Variants in FIRRM observed in about 807,000 individuals in gnomAD.
FIRRM encodes FIGNL1 interacting regulator of recombination and mitosis, also known as FIGNL1-interacting regulator of recombination and mitosis.
chr1:169,800,845 TGACAA>T, the FIRRM span: 1 of 1,065,098 alleles, frequency 9.4e-7, no homozygotes, highest in Non-Finnish European at 1.4e-6. Context: ...TTGACTGACA[TGACAA>T]TATTTTTATA....
the FIRRM span, among the ~76,000 whole-genome samples, chr1:169,791,391 T>C: frequency 2.6e-5 from 4 of 152,238 alleles, no homozygotes; most frequent in African/African-American, 7.2e-5. Context: ...TCCTTAACTA[T>C]GACTTTCATC....
chr1:169,832,578 C>CT, the FIRRM span: 1,018 of 1,015,800 alleles, frequency 1.0e-3, no homozygotes, highest in Non-Finnish European at 1.1e-3. Context: ...CTTTGATAGC[C>CT]TTTTTTTTTC....
the FIRRM span, among the ~76,000 whole-genome samples, chr1:169,790,401 G>A: frequency 6.6e-6 from 1 of 152,082 alleles, no homozygotes; most frequent in East Asian, 1.9e-4. Flanking sequence ...GGTCAGGGTG[G>A]TCTCAAACTC....
At chr1:169,846,023 G>A in the FIRRM span, among the ~76,000 whole-genome samples, 1 of 152,184 alleles carries the variant, frequency 6.6e-6, no homozygotes, top group African/African-American at 2.4e-5. Flanking sequence ...AGACTTGAAA[G>A]TCACAATTAT....
chr1:169,808,261 G>C, the FIRRM span, among the ~76,000 whole-genome samples: 1 of 152,078 alleles, frequency 6.6e-6, no homozygotes, highest in Non-Finnish European at 1.5e-5. Flanking sequence ...TATAAGATCT[G>C]ATATAGCTGC....
the FIRRM span, chr1:169,836,786 C>T: frequency 1.8e-6 from 1 of 558,188 alleles, no homozygotes; most frequent in Non-Finnish European, 3.0e-6. Context: ...TTTATGTTAC[C>T]TTGGTCTGGA....
the FIRRM span, chr1:169,827,921 T>A: frequency 6.8e-7 from 1 of 1,478,866 alleles, no homozygotes; most frequent in Non-Finnish European, 9.2e-7. Context: ...AAATTAAGTT[T>A]GTGTGTTTTT....
chr1:169,853,034 A>ATACTT, the FIRRM span: 4 of 1,575,228 alleles, frequency 2.5e-6, no homozygotes, highest in Non-Finnish European at 3.5e-6. Flanking sequence ...TCAACTGAAA[A>ATACTT]TACTTATGTC....
At chr1:169,789,254 C>T in the FIRRM span, among the ~76,000 whole-genome samples, 1 of 152,186 alleles carries the variant, frequency 6.6e-6, no homozygotes, top group African/African-American at 2.4e-5. Flanking sequence ...CCTTGCTATT[C>T]CTCTTTTTCA....
At chr1:169,792,773 G>C in the FIRRM span, 2 of 1,613,188 alleles carry the variant, frequency 1.2e-6, no homozygotes, top group Non-Finnish European at 1.7e-6. Flanking sequence ...TCTAAGGAAA[G>C]TCTGGTGCAA....
At chr1:169,801,263 A>G in the FIRRM span, among the ~76,000 whole-genome samples, 2 of 151,828 alleles carry the variant, frequency 1.3e-5, no homozygotes, top group South Asian at 4.2e-4. Flanking sequence ...GGTCAACATG[A>G]TGAAACCTCG....
chr1:169,842,501 G>C, the FIRRM span: 1 of 1,613,890 alleles, frequency 6.2e-7, no homozygotes, highest in Non-Finnish European at 8.5e-7. Flanking sequence ...AATTATCGAA[G>C]TTGTGAGTCA....
the FIRRM span, chr1:169,852,772 C>CTT: frequency 6.2e-7 from 1 of 1,611,790 alleles, no homozygotes; most frequent in Admixed American, 1.7e-5. Flanking sequence ...TGTGATATTA[C>CTT]TTATGTTTTT....
chr1:169,795,035 G>C, the FIRRM span: 24 of 1,266,114 alleles, frequency 1.9e-5, no homozygotes, highest in Non-Finnish European at 2.5e-5. Flanking sequence ...GCAAGGGTTG[G>C]CGGGACTGCG....
At chr1:169,852,936 G>A in the FIRRM span, 14 of 1,614,082 alleles carry the variant, frequency 8.7e-6, 1 homozygote, top group African/African-American at 1.2e-4. Context: ...AAATGGAGGC[G>A]CTCCAAGAAA....
chr1:169,847,317 A>T, the FIRRM span, among the ~76,000 whole-genome samples: 602 of 18,094 alleles, frequency 0.033, 6 homozygotes, highest in African/African-American at 0.12. Flanking sequence ...TATTTCTAAA[A>T]AAAAAAAAAA....
chr1:169,840,033 G>A, the FIRRM span, among the ~76,000 whole-genome samples: 1 of 152,280 alleles, frequency 6.6e-6, no homozygotes, highest in African/African-American at 2.4e-5. Context: ...TCACATGGCT[G>A]TAGGTATGTG....
chr1:169,833,967 AG>A, the FIRRM span, among the ~76,000 whole-genome samples: 1 of 148,052 alleles, frequency 6.8e-6, no homozygotes, highest in Admixed American at 7.0e-5. Flanking sequence ...CTGGGATTAG[AG>A]GTGTGAGCTA....
At chr1:169,810,679 G>T in the FIRRM span, among the ~76,000 whole-genome samples, 20 of 151,842 alleles carry the variant, frequency 1.3e-4, no homozygotes, top group Non-Finnish European at 2.5e-4. Context: ...TTGGGAGTTA[G>T]AACTTAAAGC....
Sources: gnomAD v4.1 joint callset for allele counts (sites outside exome capture counted in the v4.1 genomes callset) on GRCh38, gnomAD v4.1.1 for gene constraint, MANE v1.5 for transcripts, NCBI Gene and HGNC (gene_info 2026-07-23, HGNC 2026-07-21) for gene names.